Variants in ADAMTS6 observed in about 807,000 individuals in gnomAD.
ADAMTS6 encodes A disintegrin and metalloproteinase with thrombospondin motifs 6.
Under a neutral mutation model 144.3 loss-of-function variants are expected in ADAMTS6, and 23 were observed. The ratio of observed to expected loss-of-function variants is 0.16; its 90% CI spans 0.11 to 0.23. ADAMTS6 has a LOEUF of 0.23. Among genes scored for constraint, ADAMTS6 ranks in the 10% least tolerant of loss-of-function variants. ADAMTS6 has a pLI of 1.00. For missense variants in ADAMTS6, 999 were observed against 1,379.6 expected, an observed-to-expected ratio of 0.72 and a Z score of 4.37; for synonymous variants, 444 against 457.5, an observed-to-expected ratio of 0.97 and a Z score of 0.38.
rs568220881 is a variant in ADAMTS6, at chr5:65,313,488, A to C, written c.1224-13357T>G. Among the ~76,000 whole-genome samples, 14 of 152,146 alleles carry C rather than the reference A, an allele frequency of 9.2e-5. 1 individual carries two copies. Among genetic ancestry groups the C allele is most frequent in the African/African-American group, 3.4e-4 (14 of 41,552 alleles). On this transcript the variant is annotated intron_variant, in intron 9 of 24. Coordinates refer to ENST00000381055, the MANE Select transcript of ADAMTS6 (RefSeq NM_197941.4). ...TGTGTGTGAATTCATAGATAGCATAATTGTGGCATCTTACTGGCCCTGACC... is the reference window on the plus strand; with the variant it reads ...TGTGTGTGAATTCATAGATAGCATACTTGTGGCATCTTACTGGCCCTGACC...
chr5:65,406,835 G>A (rs906619006), intron 7 of ADAMTS6, among the ~76,000 whole-genome samples: 1 of 152,014 alleles, frequency 6.6e-6, no homozygotes, highest in African/African-American at 2.4e-5. Flanking sequence ...AGTTTATTGA[G>A]AGTTTTTAGC....
In ADAMTS6 at chr5:65,437,659, G is replaced by T. The variant is rs114239251; in HGVS notation, c.1073+13816C>A. Among the ~76,000 whole-genome samples, 1,085 of 152,250 alleles carry T rather than the reference G, an allele frequency of 7.1e-3. 13 individuals are homozygous for T. Among genetic ancestry groups the T allele is most frequent in the African/African-American group, 0.025 (1,019 of 41,550 alleles). On this transcript the variant is annotated intron_variant, in intron 7 of 24. Coordinates refer to ENST00000381055, the MANE Select transcript of ADAMTS6 (RefSeq NM_197941.4). ...CATACTAAAATCCAAAGATGTTCCA[G>T]TCTGATATAAAAGAGTATAGTATTT...
intron 22 of ADAMTS6, among the ~76,000 whole-genome samples, chr5:65,175,506 T>G (rs2098705): frequency 0.43 from 64,831 of 152,024 alleles, 15,368 homozygotes; most frequent in Non-Finnish European, 0.53. Context: ...AATACCACTT[T>G]GTTGTCAGTG....
chr5:65,328,208 T>C (rs2150055108), intron 9 of ADAMTS6, among the ~76,000 whole-genome samples: 1 of 152,190 alleles, frequency 6.6e-6, no homozygotes, highest in East Asian at 1.9e-4. Flanking sequence ...TTTGAAATAA[T>C]GCAGCCGACT....
At chr5:65,198,097 G>A (rs115946624) in intron 20 of ADAMTS6, among the ~76,000 whole-genome samples, 130 of 152,200 alleles carry the variant, frequency 8.5e-4, no homozygotes, top group Non-Finnish European at 1.6e-3. Context: ...AGAGAAACAC[G>A]TCAAACTACA....
At chr5:65,318,209 T>C (rs1745208333) in intron 9 of ADAMTS6, among the ~76,000 whole-genome samples, 1 of 152,072 alleles carries the variant, frequency 6.6e-6, no homozygotes, top group Non-Finnish European at 1.5e-5. Context: ...AAATGGCTTA[T>C]ATCCAAAGGA....
Position 65,148,974 on chromosome 5 carries a change from C to T in ADAMTS6, c.*2862G>A, listed in dbSNP as rs570138722. ...TTACTGAGTATAAAATAATAAGCAACAACTAATCACAATAATACAAAGGTA... is the reference window on the plus strand; with the variant it reads ...TTACTGAGTATAAAATAATAAGCAATAACTAATCACAATAATACAAAGGTA... On this transcript the variant is annotated 3_prime_UTR_variant, in exon 25 of 25. Coordinates refer to ENST00000381055, the MANE Select transcript of ADAMTS6 (RefSeq NM_197941.4). The T allele has an allele frequency of 6.6e-6, 1 of 152,586 alleles. No homozygotes were observed. Among genetic ancestry groups the T allele is most frequent in the South Asian group, 2.1e-4 (1 of 4,824 alleles). 9.5% of individuals were successfully genotyped at this position (152,586 alleles called of 1,614,324 possible).
At chr5:65,275,121 G>A (rs540205920) in intron 11 of ADAMTS6, among the ~76,000 whole-genome samples, 79 of 149,126 alleles carry the variant, frequency 5.3e-4, no homozygotes, top group Non-Finnish European at 9.6e-4. Flanking sequence ...TTAGGAGGTC[G>A]AGGTGGGAAG....
intron 14 of ADAMTS6, chr5:65,251,319 A>G (rs1317452628): frequency 1.3e-5 from 2 of 152,344 alleles, no homozygotes; most frequent in Non-Finnish European, 2.9e-5. Flanking sequence ...GTGTCAGTCA[A>G]TGAACTCTCA....
chr5:65,227,290 A>T (rs1017860678), intron 15 of ADAMTS6, among the ~76,000 whole-genome samples: 3 of 152,220 alleles, frequency 2.0e-5, no homozygotes, highest in Non-Finnish European at 2.9e-5. Context: ...GGCTGAAGTT[A>T]AAAATAGGCT....
chr5:65,350,047 T>C (rs1398238347), intron 7 of ADAMTS6, among the ~76,000 whole-genome samples: 1 of 152,194 alleles, frequency 6.6e-6, no homozygotes, highest in East Asian at 1.9e-4. Flanking sequence ...TCACTCAGAA[T>C]TCAAAAATGC....
chr5:65,188,602 A>G (rs190830943), intron 21 of ADAMTS6, among the ~76,000 whole-genome samples: 3 of 152,278 alleles, frequency 2.0e-5, no homozygotes, highest in Non-Finnish European at 4.4e-5. Context: ...CTGGCTCCCT[A>G]TGGCAGGGGG....
rs879455216 is a variant in ADAMTS6 at position 65,364,900 on chromosome 5, A to AT, written c.1074-30816_1074-30815insA. ...GAATTTCTTACAGGCTACTTATTATAGATATGATGCTCAAATCAGATCAAC... is the reference window on the plus strand; with the variant it reads ...GAATTTCTTACAGGCTACTTATTATATGATATGATGCTCAAATCAGATCAAC... On this transcript the variant is annotated intron_variant, in intron 7 of 24. Transcript: ENST00000381055. Among the ~76,000 whole-genome samples the AT allele has an allele frequency of 7.4e-3, 1,121 of 152,168 alleles. 5 individuals carry two copies. The highest frequency in any genetic ancestry group is 0.012 in the Non-Finnish European group (801 of 67,988).
intron 20 of ADAMTS6, among the ~76,000 whole-genome samples, chr5:65,212,380 A>T (rs953326997): frequency 6.6e-6 from 1 of 151,332 alleles, no homozygotes; most frequent in African/African-American, 2.4e-5. Flanking sequence ...AAGAATAAAT[A>T]ACAAGGAAGA....
intron 7 of ADAMTS6, among the ~76,000 whole-genome samples, chr5:65,422,192 A>G (rs193066400): frequency 2.0e-5 from 3 of 152,390 alleles, no homozygotes; most frequent in East Asian, 3.9e-4. Context: ...GCCAAAAAAT[A>G]TATGAAAAAA....
At chr5:65,335,097 A>T (rs933733597) in intron 7 of ADAMTS6, among the ~76,000 whole-genome samples, 17 of 152,242 alleles carry the variant, frequency 1.1e-4, no homozygotes, top group African/African-American at 4.1e-4. Context: ...AAATAATCCC[A>T]TTCTTACTTA....
intron 9 of ADAMTS6, 111 bp from the exon 10 acceptor site, chr5:65,300,242 C>T (rs1455163542): frequency 1.1e-6 from 1 of 909,630 alleles, no homozygotes; most frequent in African/African-American, 1.7e-5. Context: ...TGCCTTCCAT[C>T]AGGATAGGCC....
At chr5:65,321,888 G>T (rs1310820621) in intron 9 of ADAMTS6, among the ~76,000 whole-genome samples, 1 of 151,282 alleles carries the variant, frequency 6.6e-6, no homozygotes, top group Admixed American at 6.6e-5. Context: ...GCTAATTTTT[G>T]TATTTTTAGA....
chr5:65,382,226 T>C lies in ADAMTS6; in HGVS notation c.1074-48141A>G, dbSNP rs565172978. On this transcript the variant is annotated intron_variant, in intron 7 of 24. Coordinates refer to ENST00000381055, the MANE Select transcript of ADAMTS6 (RefSeq NM_197941.4). ...TCACCTCAACAGAAAGTAAGGCATA[T>C]CTGCAGGCAAAGCTAAGATTTTCCT... Among the ~76,000 whole-genome samples the C allele has an allele frequency of 2.0e-5, 3 of 152,312 alleles. No homozygotes were observed. The East Asian group carries it at 5.8e-4, about 29-fold the overall frequency.
Sources: allele counts gnomAD v4.1 joint callset (sites outside exome capture counted in the v4.1 genomes callset), GRCh38; gene constraint gnomAD v4.1.1; transcripts MANE v1.5; gene names NCBI Gene and HGNC (gene_info 2026-07-23, HGNC 2026-07-21).